The following SYBU variants were observed in gnomAD, a reference collection of about 807,000 sequenced individuals.
The protein encoded by SYBU is syntabulin.
In SYBU, 21 loss-of-function variants were observed where a neutral mutation model predicts 35.9. The ratio of observed to expected loss-of-function variants is 0.58; its 90% CI spans 0.41 to 0.84. The LOEUF (loss-of-function observed/expected upper bound fraction) is 0.84, where lower values mean the gene tolerates loss of function less well. Among genes scored for constraint, SYBU ranks in the 40% least tolerant of loss-of-function variants. The pLI is 0.00. For synonymous variants in SYBU, 319 were observed against 324.3 expected (o/e 0.98, Z 0.18); for missense variants, 768 against 848.2 (o/e 0.91, Z 1.17).
chr8:109,593,100 C>A (rs188798579), intron 3 of SYBU, among the ~76,000 whole-genome samples: 18 of 152,144 alleles, frequency 1.2e-4, no homozygotes, highest in Non-Finnish European at 1.6e-4. Flanking sequence ...CACAAAAATT[C>A]CAGTTCAGAA....
At chr8:109,610,909 G>A (rs954811261) in intron 3 of SYBU, among the ~76,000 whole-genome samples, 6 of 152,142 alleles carry the variant, frequency 3.9e-5, no homozygotes, top group African/African-American at 1.4e-4. Flanking sequence ...GCTGTTGCCA[G>A]CACCCAGTAT....
At chr8:109,632,655 A>C (rs1383288210) in intron 2 of SYBU, among the ~76,000 whole-genome samples, 1 of 152,220 alleles carries the variant, frequency 6.6e-6, no homozygotes, top group Non-Finnish European at 1.5e-5. Flanking sequence ...TTTTAAAAAA[A>C]AGAACAAAAG....
chr8:109,597,119 G>A (rs1824970553), intron 3 of SYBU, among the ~76,000 whole-genome samples: 1 of 152,150 alleles, frequency 6.6e-6, no homozygotes, highest in African/African-American at 2.4e-5. Flanking sequence ...GCCCTGTTGA[G>A]TTTGGCTTAG....
intron 2 of SYBU, among the ~76,000 whole-genome samples, chr8:109,629,657 C>A (rs552556903): frequency 2.0e-5 from 3 of 152,066 alleles, no homozygotes; most frequent in African/African-American, 4.8e-5. Flanking sequence ...TGGGTATATA[C>A]CCAGTAATGG....
intron 5 of SYBU, 69 bp from the exon 6 acceptor site, chr8:109,578,086 A>C (rs1191008381): frequency 6.7e-7 from 1 of 1,487,316 alleles, no homozygotes; most frequent in East Asian, 2.3e-5. Context: ...AGAGTAACAC[A>C]GAGTGTTATC....
chr8:109,644,251 A>C, intron 1 of SYBU: 1 of 489,936 alleles, frequency 2.0e-6, no homozygotes, highest in Non-Finnish European at 4.0e-6. Context: ...TCCGCCGGGC[A>C]CACCGCAGAC....
intron 3 of SYBU, among the ~76,000 whole-genome samples, chr8:109,590,234 T>G (rs1406436277): frequency 6.6e-6 from 1 of 152,232 alleles, no homozygotes; most frequent in Non-Finnish European, 1.5e-5. Flanking sequence ...GAATGGACTC[T>G]TAACTGCTAA....
upstream of SYBU, among the ~76,000 whole-genome samples, chr8:109,649,147 C>T (rs1222554348): frequency 2.6e-5 from 4 of 151,136 alleles, no homozygotes; most frequent in African/African-American, 9.7e-5. Context: ...GGACTACAGG[C>T]GCGCACCACC....
intron 3 of SYBU, among the ~76,000 whole-genome samples, chr8:109,598,961 C>T (rs1401958172): frequency 1.3e-5 from 2 of 152,158 alleles, no homozygotes; most frequent in African/African-American, 4.8e-5. Flanking sequence ...TCTGAAACAT[C>T]ACAATAAGAT....
intron 2 of SYBU, among the ~76,000 whole-genome samples, chr8:109,640,797 T>G (rs1442837859): frequency 7.0e-6 from 1 of 143,104 alleles, no homozygotes; most frequent in African/African-American, 2.7e-5. Context: ...GATTAGCAAA[T>G]TGTTAGCAAA....
intron 2 of SYBU, among the ~76,000 whole-genome samples, chr8:109,624,482 G>T (rs887841595): frequency 6.6e-6 from 1 of 152,156 alleles, no homozygotes; most frequent in Non-Finnish European, 1.5e-5. Flanking sequence ...AACCTCGAAT[G>T]AAATAATTGA....
intron 3 of SYBU, among the ~76,000 whole-genome samples, chr8:109,603,948 C>G (rs1007850874): frequency 2.6e-5 from 4 of 152,132 alleles, no homozygotes; most frequent in African/African-American, 9.7e-5. Flanking sequence ...TATTATTCTA[C>G]CCAGCTCACG....
At chr8:109,670,922 T>C (rs1012586553) in intron 1 of SYBU, among the ~76,000 whole-genome samples, 2 of 152,036 alleles carry the variant, frequency 1.3e-5, no homozygotes, top group Admixed American at 6.5e-5. Flanking sequence ...AGAGAGACTT[T>C]GCTTTATGTG....
At chr8:109,607,857 C>G (rs1014330876) in intron 3 of SYBU, 1 of 975,960 alleles carries the variant, frequency 1.0e-6, no homozygotes, top group African/African-American at 1.6e-5. Flanking sequence ...CACACACAGT[C>G]TAGCCTCTGT....
intron 4 of SYBU, chr8:109,580,509 C>T (rs1822903199): frequency 6.5e-6 from 1 of 154,762 alleles, no homozygotes; most frequent in Non-Finnish European, 1.4e-5. Flanking sequence ...ACAGAGCACA[C>T]ATAAATGCAT....
chr8:109,650,728 G>A lies in SYBU; in HGVS notation c.-129+29983C>T, dbSNP rs762873990. Among the ~76,000 whole-genome samples the A allele has an allele frequency of 3.3e-5, 5 of 152,130 alleles. No homozygotes were observed. In the South Asian group the frequency reaches 8.3e-4, roughly 25 times the overall value. ...AATAAAACTAGAATTTGGGAATCTG[G>A]CCTATGTAGTTTCATCTGCCCATGT... On this transcript the variant is annotated intron_variant, in intron 1 of 5. Coordinates refer to the SYBU transcript ENST00000408889.
intron 3 of SYBU, among the ~76,000 whole-genome samples, chr8:109,592,619 C>T (rs1824413887): frequency 6.6e-6 from 1 of 152,216 alleles, no homozygotes; most frequent in South Asian, 2.1e-4. Context: ...AGCAGAAATA[C>T]AGGTGACCCA....
chr8:109,635,636 A>G (rs1187357819), intron 2 of SYBU, among the ~76,000 whole-genome samples: 1 of 152,164 alleles, frequency 6.6e-6, no homozygotes. Flanking sequence ...GGAGATTTAG[A>G]CACAATCCTT....
chr8:109,628,096 G>A (rs1813175568), intron 2 of SYBU, among the ~76,000 whole-genome samples: 1 of 152,152 alleles, frequency 6.6e-6, no homozygotes, highest in African/African-American at 2.4e-5. Flanking sequence ...CATGTGTCAG[G>A]TATTGTTCTA....
Sources: allele counts gnomAD v4.1 joint callset (sites outside exome capture counted in the v4.1 genomes callset), GRCh38; gene constraint gnomAD v4.1.1; transcripts MANE v1.5; gene names NCBI Gene and HGNC (gene_info 2026-07-23, HGNC 2026-07-21).